The following WDTC1 variants were observed in gnomAD, a reference collection of about 807,000 sequenced individuals.
The protein encoded by WDTC1 is WD and tetratricopeptide repeats protein 1.
A neutral mutation model predicts 76.0 loss-of-function variants in WDTC1; 12 were observed. The ratio of observed to expected loss-of-function variants is 0.16; its 90% CI spans 0.10 to 0.26. The LOEUF (loss-of-function observed/expected upper bound fraction) is 0.26. Ranked by LOEUF, WDTC1 falls within the 10% of genes least tolerant of loss-of-function variation. The probability of loss-of-function intolerance (pLI) is 1.00; values close to 1 mark genes in which losing one functional copy is unlikely to be tolerated. For synonymous variants in WDTC1, 326 were observed against 350.8 expected (o/e 0.93, Z 0.79); for missense variants, 511 against 908.8 (o/e 0.56, Z 5.63).
intron 1 of WDTC1, among the ~76,000 whole-genome samples, chr1:27,241,165 C>G (rs2011622395): frequency 6.6e-6 from 1 of 152,006 alleles, no homozygotes; most frequent in African/African-American, 2.4e-5. Flanking sequence ...GTCACAACTG[C>G]TAGAGCTGTA....
Position 27,294,596 on chromosome 1 carries a change from C to T in WDTC1, c.840C>T (p.Gly280=), listed in dbSNP as rs1215669542. The change falls in exon 9 of 16, where the codon GGC becomes GGT. Residue 280 remains glycine (G), a synonymous_variant. Transcript: ENST00000319394. ...CCTATGTGACCTTCAGCCCCAATGG[C>T]ACAGAGCTACTAGTCAACATGGGGG... is the stretch of plus-strand genomic sequence containing the variant. ...VATYVTFSPN[G]TELLVNMGGE... The T allele has an allele frequency of 7.4e-6, 12 of 1,614,084 alleles. No individual in the cohort carries two copies. Among genetic ancestry groups the T allele is most frequent in the Admixed American group, 1.7e-5 (1 of 60,018 alleles).
intron 1 of WDTC1, among the ~76,000 whole-genome samples, chr1:27,246,768 G>C (rs1354004115): frequency 2.0e-5 from 3 of 151,392 alleles, no homozygotes; most frequent in Non-Finnish European, 4.4e-5. Context: ...CACCATGTTG[G>C]CCAGGCTGGT....
intron 1 of WDTC1, among the ~76,000 whole-genome samples, chr1:27,235,835 T>C (rs2011482065): frequency 6.6e-6 from 1 of 152,124 alleles, no homozygotes; most frequent in South Asian, 2.1e-4. Flanking sequence ...GAAGTACTGG[T>C]AGAGCAACGT....
intron 3 of WDTC1, among the ~76,000 whole-genome samples, chr1:27,269,804 G>A (rs1037793533): frequency 3.3e-5 from 5 of 151,608 alleles, no homozygotes; most frequent in African/African-American, 1.2e-4. Context: ...TAGAGACGAC[G>A]TTTCACCATA....
intron 3 of WDTC1, among the ~76,000 whole-genome samples, chr1:27,263,890 T>C (rs980733478): frequency 6.6e-6 from 1 of 151,636 alleles, no homozygotes; most frequent in African/African-American, 2.4e-5. Flanking sequence ...TACGTATACA[T>C]ATACATATAC....
At chr1:27,269,423 A>T (rs761315799) in intron 3 of WDTC1, among the ~76,000 whole-genome samples, 14 of 151,470 alleles carry the variant, frequency 9.2e-5, no homozygotes, top group Non-Finnish European at 1.6e-4. Context: ...ACTCAGTTCA[A>T]GAGAACAATT....
At chr1:27,253,394 T>TCCCCCC (rs1279048006) in intron 1 of WDTC1, among the ~76,000 whole-genome samples, 3 of 58,960 alleles carry the variant, frequency 5.1e-5, no homozygotes, top group African/African-American at 1.9e-4. Context: ...CTTCTTCCCC[T>TCCCCCC]CCCCCTCCCC....
rs144195882 is a variant in WDTC1, at chr1:27,305,974, G to A, written c.1837-212G>A. On this transcript the variant is annotated intron_variant, in intron 15 of 15. Transcript: ENST00000319394. The surrounding 1 kb of genome is among the most constrained non-coding windows in gnomAD (Gnocchi z 4.6). ...ACCTGCCTGTATATCCTGAGGTGGC[G>A]TATCTCCCATATATATTCCAGCGTG... Among the ~76,000 whole-genome samples, 610 of 152,064 alleles carry A rather than the reference G, an allele frequency of 4.0e-3. 6 individuals carry two copies. The highest frequency in any genetic ancestry group is 0.014 in the African/African-American group (563 of 41,456).
At chr1:27,252,004 C>T (rs1011149191) in intron 1 of WDTC1, among the ~76,000 whole-genome samples, 7 of 151,564 alleles carry the variant, frequency 4.6e-5, no homozygotes, top group Non-Finnish European at 8.8e-5. Context: ...GCCAAGATCG[C>T]GCCACTGCAC....
At chr1:27,248,700 C>T (rs1054415887) in intron 1 of WDTC1, among the ~76,000 whole-genome samples, 1 of 152,118 alleles carries the variant, frequency 6.6e-6, no homozygotes, top group Non-Finnish European at 1.5e-5. Flanking sequence ...TGCCCTGTCT[C>T]CCAGGCTGGA....
At chr1:27,244,847 G>C (rs2011763188) in intron 1 of WDTC1, among the ~76,000 whole-genome samples, 1 of 152,164 alleles carries the variant, frequency 6.6e-6, no homozygotes, top group Non-Finnish European at 1.5e-5. Flanking sequence ...CTCTGCTATG[G>C]GAGGTAGCAT....
At position 27,283,372 on chromosome 1, in the gene WDTC1, A is replaced by C; in HGVS notation, c.214A>C (p.Ile72Leu). The change falls in exon 5 of 16, where the codon ATT (isoleucine) becomes CTT (leucine). Residue 72 changes from isoleucine to leucine, a missense_variant. Ile to Leu is a conservative substitution (Grantham distance 5). Coordinates refer to ENST00000319394, the MANE Select transcript of WDTC1 (RefSeq NM_001276252.2). ...LASGSDDQHT[I>L]VWDPLHHKKL... ...CTCTGGTTCCGATGACCAGCACACG[A>C]TTGTGTGGGACCCGCTGCACCACAA... 1 of 1,613,766 alleles carries C rather than the reference A, an allele frequency of 6.2e-7. No homozygotes were observed. The highest frequency in any genetic ancestry group is 8.5e-7 in the Non-Finnish European group (1 of 1,179,996).
chr1:27,285,296 C>T (rs970826682), intron 5 of WDTC1, among the ~76,000 whole-genome samples: 2 of 152,066 alleles, frequency 1.3e-5, no homozygotes, highest in Non-Finnish European at 2.9e-5. Flanking sequence ...CTAAGCCTCC[C>T]AAAGTGTTGG....
intron 5 of WDTC1, among the ~76,000 whole-genome samples, chr1:27,284,072 T>C (rs2013264411): frequency 6.6e-6 from 1 of 152,178 alleles, no homozygotes. Context: ...TGAAGCTCTG[T>C]TGAAGCCCTG....
intron 3 of WDTC1, among the ~76,000 whole-genome samples, chr1:27,278,670 G>A (rs779521690): frequency 1.7e-4 from 26 of 152,108 alleles, no homozygotes; most frequent in Admixed American, 1.6e-3. Flanking sequence ...GCATTATCAG[G>A]CCTGTTATTT....
chr1:27,272,692 A>T (rs987840277), intron 3 of WDTC1, among the ~76,000 whole-genome samples: 6 of 152,104 alleles, frequency 3.9e-5, no homozygotes, highest in African/African-American at 1.4e-4. Flanking sequence ...AAACATGTAT[A>T]GCTTGAGGCC....
Position 27,301,389 on chromosome 1 carries a change from C to G in WDTC1, c.1396C>G (p.Gln466Glu). 6.2e-7 allele frequency: 1 copy of G among 1,614,152 alleles called. No homozygotes were observed. Among genetic ancestry groups the G allele is most frequent in the Non-Finnish European group, 8.5e-7 (1 of 1,180,024 alleles). The change falls in exon 13 of 16, where the codon CAG (glutamine) becomes GAG (glutamate). Residue 466 changes from glutamine to glutamate, a missense_variant. Physicochemically the swap from Gln to Glu is conservative, Grantham distance 29 (BLOSUM62 2). Transcript: ENST00000319394. The surrounding 1 kb of genome is among the most constrained non-coding windows in gnomAD (Gnocchi z 5.8). ...LDDFKGKFPEQAHSSACDALG... is the reference protein window; with the variant it reads ...LDDFKGKFPEEAHSSACDALG... ...CGACTTCAAAGGGAAATTTCCGGAG[C>G]AGGCCCACAGCAGCGCTTGTGATGC...
intron 3 of WDTC1, among the ~76,000 whole-genome samples, chr1:27,281,502 C>T (rs1191663643): frequency 6.6e-6 from 1 of 151,492 alleles, no homozygotes; most frequent in Non-Finnish European, 1.5e-5. Context: ...AATTGGCTGT[C>T]CTTGGATTGA....
At chr1:27,293,705 G>A (rs1037182543) in intron 7 of WDTC1, among the ~76,000 whole-genome samples, 2 of 152,104 alleles carry the variant, frequency 1.3e-5, no homozygotes, top group South Asian at 4.1e-4. Flanking sequence ...TCATTCATGG[G>A]CTTGGTGACC....
Sources: gnomAD v4.1 joint callset for allele counts (sites outside exome capture counted in the v4.1 genomes callset) on GRCh38, gnomAD v4.1.1 for gene constraint, Gnocchi (gnomAD v3.1) non-coding constraint, MANE v1.5 for transcripts, NCBI Gene and HGNC (gene_info 2026-07-23, HGNC 2026-07-21) for gene names.